The following TSHZ2 variants were observed in gnomAD, a reference collection of about 807,000 sequenced individuals.
The protein encoded by TSHZ2 is teashirt homolog 2.
Under a neutral mutation model 74.4 loss-of-function variants are expected in TSHZ2, and 21 were observed. The ratio of observed to expected loss-of-function variants is 0.28; its 90% CI spans 0.20 to 0.41. The LOEUF (loss-of-function observed/expected upper bound fraction) is 0.41, where lower values mean the gene tolerates loss of function less well. Among genes scored for constraint, TSHZ2 ranks in the 10% least tolerant of loss-of-function variants. The pLI is 1.00. For synonymous variants in TSHZ2, 540 were observed against 515.3 expected (o/e 1.05, Z -0.65); for missense variants, 1,244 against 1,293.5 (o/e 0.96, Z 0.59).
intron 1 of TSHZ2, among the ~76,000 whole-genome samples, chr20:53,086,216 C>T (rs543948753): frequency 2.6e-5 from 4 of 152,296 alleles, no homozygotes; most frequent in African/African-American, 4.8e-5. Context: ...CTAAGGAGGG[C>T]GCTGGCATAG....
chr20:53,142,792 C>T (rs1461922847), intron 1 of TSHZ2, among the ~76,000 whole-genome samples: 1 of 151,260 alleles, frequency 6.6e-6, no homozygotes, highest in East Asian at 1.9e-4. Context: ...GTCCTCTAAA[C>T]CCACCCACAA....
intron 1 of TSHZ2, among the ~76,000 whole-genome samples, chr20:53,109,910 A>G (rs963583584): frequency 2.6e-5 from 4 of 152,198 alleles, no homozygotes; most frequent in African/African-American, 9.6e-5. Flanking sequence ...AGCTCAGCTC[A>G]TCTCCTCTTT....
intron 1 of TSHZ2, among the ~76,000 whole-genome samples, chr20:53,174,397 A>G (rs1030575245): frequency 2.0e-5 from 3 of 152,242 alleles, no homozygotes; most frequent in African/African-American, 7.2e-5. Context: ...CTCAACCATA[A>G]GTCTTGCTGT....
chr20:53,398,816 TC>T (rs1982551263), intron 2 of TSHZ2: 1 of 152,194 alleles, frequency 6.6e-6, no homozygotes, highest in Non-Finnish European at 1.5e-5. Context: ...TCAGTTTTTT[TC>T]ACCAGTAAAA....
chr20:53,263,243 C>T (rs1600775848), intron 2 of TSHZ2, among the ~76,000 whole-genome samples: 1 of 152,216 alleles, frequency 6.6e-6, no homozygotes, highest in East Asian at 1.9e-4. Flanking sequence ...GCAAGTTTGA[C>T]TTGCCATGGA....
chr20:53,430,311 C>T (rs1983795324), intron 2 of TSHZ2, among the ~76,000 whole-genome samples: 3 of 151,924 alleles, frequency 2.0e-5, no homozygotes, highest in Admixed American at 1.3e-4. Flanking sequence ...CACCACATTG[C>T]CCAGGCTGGT....
intron 2 of TSHZ2, among the ~76,000 whole-genome samples, chr20:53,391,473 G>T (rs8117452): frequency 6.7e-6 from 1 of 148,346 alleles, no homozygotes. Flanking sequence ...TTTGTTTTTT[G>T]TTTTTGTTTT....
intron 2 of TSHZ2, among the ~76,000 whole-genome samples, chr20:53,327,755 A>G (rs1438087016): frequency 1.3e-5 from 2 of 152,222 alleles, no homozygotes; most frequent in Non-Finnish European, 2.9e-5. Context: ...GAGAAAATGA[A>G]CAAGACCACT....
intron 1 of TSHZ2, among the ~76,000 whole-genome samples, chr20:53,119,738 TGTG>T (rs1986761117): frequency 6.6e-6 from 1 of 152,260 alleles, no homozygotes; most frequent in Admixed American, 6.5e-5. Context: ...GCTTGTTTAA[TGTG>T]GCTGCTAGAA....
intron 1 of TSHZ2, chr20:53,179,063 G>A (rs1218249265): frequency 6.6e-6 from 1 of 151,892 alleles, no homozygotes; most frequent in Non-Finnish European, 1.5e-5. Flanking sequence ...TTTCTTTTTA[G>A]TTTATCTTCA....
Position 52,998,706 on chromosome 20 carries a change from C to A in TSHZ2, c.40+25373C>A, listed in dbSNP as rs189901408. Among the ~76,000 whole-genome samples the A allele has an allele frequency of 2.7e-4, 41 of 152,294 alleles. No individual in the cohort carries two copies. In the East Asian group the frequency reaches 7.5e-3, roughly 28 times the overall value. On this transcript the variant is annotated intron_variant, in intron 1 of 2. Coordinates refer to ENST00000371497, the MANE Select transcript of TSHZ2 (RefSeq NM_173485.6). ...GCCTCTGCACACAGTTCCATGAGGGCAGGAACCATGTCCAGTTTTATGACT... is the reference window on the plus strand; with the variant it reads ...GCCTCTGCACACAGTTCCATGAGGGAAGGAACCATGTCCAGTTTTATGACT...
intron 1 of TSHZ2, among the ~76,000 whole-genome samples, chr20:53,104,862 C>G (rs1986318663): frequency 6.6e-6 from 1 of 152,168 alleles, no homozygotes; most frequent in Non-Finnish European, 1.5e-5. Flanking sequence ...TTGCCCCATC[C>G]TATTCATGTT....
At chr20:53,326,042 A>G (rs1158935968) in intron 2 of TSHZ2, among the ~76,000 whole-genome samples, 1 of 152,156 alleles carries the variant, frequency 6.6e-6, no homozygotes, top group African/African-American at 2.4e-5. Flanking sequence ...TCAGCCTCCC[A>G]AAGTGCTGGG....
chr20:53,453,054 C>T (rs1984870135), intron 2 of TSHZ2: 1 of 152,114 alleles, frequency 6.6e-6, no homozygotes, highest in Non-Finnish European at 1.5e-5. Flanking sequence ...CTACAAGGCT[C>T]CATGTGATCT....
chr20:53,360,892 A>G (rs1981024938), intron 2 of TSHZ2, among the ~76,000 whole-genome samples: 1 of 152,214 alleles, frequency 6.6e-6, no homozygotes, highest in Non-Finnish European at 1.5e-5. Flanking sequence ...CCAGAAGCCA[A>G]GCTCTCTTCT....
At chr20:53,452,821 CTGT>C (rs1398921790) in intron 2 of TSHZ2, among the ~76,000 whole-genome samples, 1 of 152,154 alleles carries the variant, frequency 6.6e-6, no homozygotes, top group Non-Finnish European at 1.5e-5. Flanking sequence ...TGAGTTCTGC[CTGT>C]TGTTTGTGTT....
chr20:53,151,628 A>T (rs185940246), intron 1 of TSHZ2, among the ~76,000 whole-genome samples: 5 of 152,232 alleles, frequency 3.3e-5, no homozygotes, highest in African/African-American at 9.6e-5. Context: ...AAAAAGTTCA[A>T]TAGATTTTTC....
intron 1 of TSHZ2, among the ~76,000 whole-genome samples, chr20:53,078,709 C>T (rs1329340503): frequency 6.6e-6 from 1 of 151,920 alleles, no homozygotes; most frequent in Non-Finnish European, 1.5e-5. Flanking sequence ...AGGCTGGCAG[C>T]AATAGAGATG....
At chr20:53,302,989 C>T (rs886721818) in intron 2 of TSHZ2, among the ~76,000 whole-genome samples, 2 of 152,158 alleles carry the variant, frequency 1.3e-5, no homozygotes, top group Admixed American at 6.5e-5. Context: ...AAATAAGTAG[C>T]TAGACCTCTT....
Sources: allele counts gnomAD v4.1 joint callset (sites outside exome capture counted in the v4.1 genomes callset), GRCh38; gene constraint gnomAD v4.1.1; transcripts MANE v1.5; gene names NCBI Gene and HGNC (gene_info 2026-07-23, HGNC 2026-07-21).